RNF169: variants seen among roughly 807,000 people sequenced by gnomAD.
The protein encoded by RNF169 is ring finger protein 169, also known as E3 ubiquitin-protein ligase RNF169.
A neutral mutation model predicts 53.9 loss-of-function variants in RNF169; 24 were observed. That is an observed-to-expected ratio of 0.45 (90% CI 0.32 to 0.63). The LOEUF is 0.63. RNF169 is among the 20% of genes least tolerant of loss of function. The pLI is 0.04. For synonymous variants in RNF169, 396 were observed against 363.5 expected (o/e 1.09, Z -1.02); for missense variants, 883 against 906.2 (o/e 0.97, Z 0.33).
intron 1 of RNF169, among the ~76,000 whole-genome samples, chr11:74,785,331 A>G (rs2035484648): frequency 1.4e-5 from 2 of 146,684 alleles, no homozygotes; most frequent in Non-Finnish European, 1.5e-5. Flanking sequence ...TATATTATAT[A>G]TAAAATTTCC....
chr11:74,753,206 G>A lies in RNF169; in HGVS notation c.502+3824G>A, dbSNP rs751590273. 1.1e-3 allele frequency among the ~76,000 whole-genome samples: 175 copies of A among 152,308 alleles called. 1 individual carries two copies. The highest frequency in any genetic ancestry group is 4.0e-3 in the African/African-American group (165 of 41,566). On this transcript the variant is annotated intron_variant, in intron 1 of 5. Transcript: ENST00000299563. ...TGGTCTCAAACTCCTGATCTCAGGT[G>A]ATCCACCCACCTCGGCCTCCCAAAG...
Position 74,817,724 on chromosome 11 carries a change from T to C in RNF169, c.842+10T>C, listed in dbSNP as rs750703466. The C allele has an allele frequency of 1.5e-5, 23 of 1,532,448 alleles. No individual in the cohort carries two copies. The highest frequency in any genetic ancestry group is 2.7e-5 in the African/African-American group (2 of 73,308). 94.9% of individuals were successfully genotyped at this position (1,532,448 alleles called of 1,614,324 possible). A position where few individuals can be genotyped will look rare whatever the true frequency, so the allele number is the denominator to read the frequency against. Reference sequence around the variant, plus strand: ...TAGCTTTCCTGGCAGGGTAAGAGACTGATGCTGAATTCAGTCAGGGGTCTT... The same window carrying C: ...TAGCTTTCCTGGCAGGGTAAGAGACCGATGCTGAATTCAGTCAGGGGTCTT... On this transcript the variant is annotated intron_variant, in intron 4 of 5. Transcript: ENST00000299563.
In RNF169 at chr11:74,825,471, A is replaced by G. The variant is rs553197646; in HGVS notation, c.842+7757A>G. ...AACCAGGAAGAAATTGAATCCCTCA[A>G]TAGACCAATAATGAGTTCTGAAATT... On this transcript the variant is annotated intron_variant, in intron 4 of 5. Coordinates refer to ENST00000299563, the MANE Select transcript of RNF169 (RefSeq NM_001098638.2). Among the ~76,000 whole-genome samples the G allele has an allele frequency of 9.5e-4, 144 of 152,344 alleles. 1 individual carries two copies. The highest frequency in any genetic ancestry group is 3.3e-3 in the African/African-American group (139 of 41,578).
At position 74,804,009 on chromosome 11, in the gene RNF169, T is replaced by C. The variant is rs558561207; in HGVS notation, c.577-6175T>C. Among the ~76,000 whole-genome samples the C allele has an allele frequency of 9.2e-5, 14 of 152,322 alleles. No individual in the cohort carries two copies. In the South Asian group the frequency reaches 2.9e-3, roughly 32 times the overall value. On this transcript the variant is annotated intron_variant, in intron 2 of 5. Transcript: ENST00000299563. ...GTGATGTTATTTTGTTCAACATCATTTCATTATGACATTGATGAGAGAAAA... is the reference window on the plus strand; with the variant it reads ...GTGATGTTATTTTGTTCAACATCATCTCATTATGACATTGATGAGAGAAAA...
intron 1 of RNF169, among the ~76,000 whole-genome samples, chr11:74,775,441 C>G (rs527537503): frequency 3.8e-4 from 58 of 151,604 alleles, no homozygotes; most frequent in African/African-American, 1.4e-3. Flanking sequence ...AATCTGCTTC[C>G]CTAGTTTCAG....
At chr11:74,792,668 TG>T (rs1478860175) in intron 2 of RNF169, among the ~76,000 whole-genome samples, 6 of 152,178 alleles carry the variant, frequency 3.9e-5, no homozygotes, top group African/African-American at 1.2e-4. Flanking sequence ...CCCAAAGTGC[TG>T]GGATTACAGG....
chr11:74,804,135 T>C (rs1054184182), intron 2 of RNF169, among the ~76,000 whole-genome samples: 1 of 152,156 alleles, frequency 6.6e-6, no homozygotes, highest in South Asian at 2.1e-4. Context: ...CTCCCGCATC[T>C]CAAAGATGTG....
intron 3 of RNF169, among the ~76,000 whole-genome samples, chr11:74,811,692 A>AT (rs1394488766): frequency 1.3e-5 from 2 of 152,148 alleles, no homozygotes; most frequent in African/African-American, 2.4e-5. Flanking sequence ...AACCACTTAG[A>AT]TTTTACAGGG....
intron 2 of RNF169, among the ~76,000 whole-genome samples, chr11:74,790,180 A>G (rs1470854868): frequency 6.6e-6 from 1 of 152,194 alleles, no homozygotes; most frequent in East Asian, 1.9e-4. Flanking sequence ...GAAAGCTTTT[A>G]TCTGTGTCCA....
At chr11:74,818,058 C>G (rs1016718282) in intron 4 of RNF169, among the ~76,000 whole-genome samples, 1 of 152,196 alleles carries the variant, frequency 6.6e-6, no homozygotes, top group African/African-American at 2.4e-5. Context: ...GAGGGCAGAA[C>G]TGATTTTCTT....
chr11:74,769,733 G>A (rs1168291301), intron 1 of RNF169, among the ~76,000 whole-genome samples: 1 of 152,160 alleles, frequency 6.6e-6, no homozygotes, highest in Non-Finnish European at 1.5e-5. Flanking sequence ...TAAAAGTACG[G>A]AAGATAGGAG....
intron 3 of RNF169, among the ~76,000 whole-genome samples, chr11:74,816,508 T>C (rs2035943555): frequency 6.6e-6 from 1 of 152,140 alleles, no homozygotes; most frequent in South Asian, 2.1e-4. Context: ...GGAAAGACTC[T>C]AAAAAGGGAC....
intron 1 of RNF169, among the ~76,000 whole-genome samples, chr11:74,785,199 TATATATATATG>T (rs1241673861): frequency 1.7e-5 from 2 of 116,090 alleles, no homozygotes; most frequent in East Asian, 2.4e-4. Context: ...ATATATATGA[TATATATATATG>T]ATATATATAT....
Position 74,812,119 on chromosome 11 carries a change from C to T in RNF169, c.723+1789C>T, listed in dbSNP as rs554866110. Among the ~76,000 whole-genome samples, 20 of 152,264 alleles carry T rather than the reference C, an allele frequency of 1.3e-4. No individual in the cohort carries two copies. The South Asian group carries it at 3.7e-3, about 28-fold the overall frequency. On this transcript the variant is annotated intron_variant, in intron 3 of 5. Transcript: ENST00000299563. ...CCACTACCATTTTTGAAATAGAAAT[C>T]AAGTGCAGCCACCTAATTTTAATCT...
At chr11:74,774,846 C>A (rs914398338) in intron 1 of RNF169, among the ~76,000 whole-genome samples, 8 of 152,090 alleles carry the variant, frequency 5.3e-5, no homozygotes, top group African/African-American at 1.7e-4. Flanking sequence ...GTAATCGTAG[C>A]TACTTGAGAG....
intron 1 of RNF169, among the ~76,000 whole-genome samples, chr11:74,778,689 C>T (rs949146132): frequency 5.3e-5 from 8 of 152,206 alleles, no homozygotes; most frequent in Non-Finnish European, 1.5e-5. Context: ...TACGTAGCAG[C>T]CTTTATCTAA....
intron 1 of RNF169, among the ~76,000 whole-genome samples, chr11:74,763,996 G>A (rs1174625963): frequency 3.3e-5 from 5 of 152,180 alleles, no homozygotes; most frequent in African/African-American, 9.7e-5. Context: ...ACAAGCGTGA[G>A]CCACTGCACC....
intron 2 of RNF169, among the ~76,000 whole-genome samples, chr11:74,805,589 G>A (rs1016081970): frequency 2.0e-5 from 3 of 152,156 alleles, no homozygotes; most frequent in Admixed American, 1.3e-4. Flanking sequence ...TAATAAGCTC[G>A]TTAAAGATAA....
chr11:74,782,993 G>A (rs1454731879), intron 1 of RNF169, among the ~76,000 whole-genome samples: 1 of 149,958 alleles, frequency 6.7e-6, no homozygotes, highest in African/African-American at 2.4e-5. Flanking sequence ...TTGGGACTCA[G>A]TAAGTCCAAA....
Sources: gnomAD v4.1 joint callset for allele counts (sites outside exome capture counted in the v4.1 genomes callset) on GRCh38, gnomAD v4.1.1 for gene constraint, MANE v1.5 for transcripts, NCBI Gene and HGNC (gene_info 2026-07-23, HGNC 2026-07-21) for gene names.